The following NKTR variants were observed in gnomAD, a reference collection of about 807,000 sequenced individuals.
NKTR encodes the protein natural killer cell triggering receptor, also known as NK-tumor recognition protein.
In NKTR, 67 loss-of-function variants were observed where a neutral mutation model predicts 156.3. The ratio of observed to expected loss-of-function variants is 0.43; its 90% confidence interval spans 0.35 to 0.53. NKTR has a LOEUF of 0.53. Among genes scored for constraint, NKTR ranks in the 20% least tolerant of loss-of-function variants. The probability of loss-of-function intolerance (pLI) is 0.01; values close to 1 mark genes in which losing one functional copy is unlikely to be tolerated. For synonymous variants in NKTR, 640 were observed against 596.6 expected (o/e 1.07, Z -1.06); for missense variants, 1,604 against 1,730.9 (o/e 0.93, Z 1.30).
intron 3 of NKTR, among the ~76,000 whole-genome samples, chr3:42,617,922 C>T (rs1707534759): frequency 6.6e-6 from 1 of 152,002 alleles, no homozygotes; most frequent in Non-Finnish European, 1.5e-5. Flanking sequence ...AAAATAATAG[C>T]ACACATTCAA....
intron 6 of NKTR, chr3:42,628,465 T>C: frequency 1.0e-6 from 1 of 985,422 alleles, no homozygotes; most frequent in Non-Finnish European, 1.2e-6. Context: ...CACCATTTTC[T>C]CCAAAGGTTT....
chr3:42,633,547 T>C (rs1291622192), intron 9 of NKTR, 33 bp from the exon 10 acceptor site: 2 of 1,594,020 alleles, frequency 1.3e-6, no homozygotes, highest in African/African-American at 1.4e-5. Flanking sequence ...GCAAACATTA[T>C]ACATTTTAAT....
rs879453796 is a variant in NKTR at position 42,643,474 on chromosome 3, A to G, written c.4199+79A>G. 9 of 1,181,502 alleles carry G rather than the reference A, an allele frequency of 7.6e-6. No homozygotes were observed. In the Admixed American group the frequency reaches 1.6e-4, roughly 21 times the overall value. 73.2% of individuals were successfully genotyped at this position (1,181,502 alleles called of 1,614,324 possible). A position where few individuals can be genotyped will look rare whatever the true frequency, so the allele number is the denominator to read the frequency against. On this transcript the variant is annotated intron_variant, in intron 15 of 16. Transcript: ENST00000232978. ...TTGTAAACTGTTTGTTCAAAGTGGT[A>G]TTTTATTGAGTAACTAAATGCATAT...
At chr3:42,629,212 TTTTG>T (rs1708676859) in intron 6 of NKTR, 1 of 984,796 alleles carries the variant, frequency 1.0e-6, no homozygotes, top group Non-Finnish European at 1.2e-6. Context: ...ACTAGATAGT[TTTTG>T]TTCTGTTTTC....
At chr3:42,619,998 A>G in intron 5 of NKTR, 1 of 1,533,758 alleles carries the variant, frequency 6.5e-7, no homozygotes. Flanking sequence ...AACTGTCAAC[A>G]TATTCTTTTG....
intron 13 of NKTR, among the ~76,000 whole-genome samples, chr3:42,640,134 A>G (rs1709760355): frequency 6.6e-6 from 1 of 152,224 alleles, no homozygotes; most frequent in African/African-American, 2.4e-5. Flanking sequence ...TCCATTTTAC[A>G]CATGTGGAAG....
In NKTR at chr3:42,637,121, CGAA is replaced by C; in HGVS notation, c.1421_1423del (p.Arg474del). The C allele has an allele frequency of 6.2e-7, 1 of 1,607,444 alleles. No homozygotes were observed. The highest frequency in any genetic ancestry group is 8.5e-7 in the Non-Finnish European group (1 of 1,178,124). Reference sequence around the variant, plus strand: ...CATAGAATCCTCAAAATCTTCCACTCGAAGAATGAAATCCTCTTGTGATAGAGA... The same window carrying C: ...CATAGAATCCTCAAAATCTTCCACTCGAATGAAATCCTCTTGTGATAGAGA... On this transcript the variant is annotated inframe_deletion, in exon 13 of 17. Coordinates refer to ENST00000232978, the MANE Select transcript of NKTR (RefSeq NM_005385.4).
At chr3:42,617,096 AG>A (rs1472284019) in intron 2 of NKTR, among the ~76,000 whole-genome samples, 5 of 152,174 alleles carry the variant, frequency 3.3e-5, no homozygotes, top group Non-Finnish European at 7.4e-5. Context: ...CAATTCAGGA[AG>A]GTGGCTCTTA....
At chr3:42,623,093 C>T (rs1306028602) in intron 6 of NKTR, among the ~76,000 whole-genome samples, 1 of 151,862 alleles carries the variant, frequency 6.6e-6, no homozygotes, top group African/African-American at 2.4e-5. Flanking sequence ...ATTCTCCCTT[C>T]AAAAACATCT....
In NKTR at chr3:42,647,265, C is replaced by CGTG. The variant is rs1198991890; in HGVS notation, c.*1290_*1291insGTG. The CGTG allele has an allele frequency of 3.8e-5, 2 of 53,258 alleles. No individual in the cohort carries two copies. Among genetic ancestry groups the CGTG allele is most frequent in the Non-Finnish European group, 6.9e-5 (2 of 29,146 alleles). The allele number at this position is 53,258 out of a possible 1,614,324, so 3.3% of individuals were successfully genotyped here. Reference sequence around the variant, plus strand: ...CCAAAAATAATTGGACCTGTAAAAACTAGTGTGTGTGTGTGTGTGTGTGTG... The same window carrying CGTG: ...CCAAAAATAATTGGACCTGTAAAAACGTGTAGTGTGTGTGTGTGTGTGTGTGTG... On this transcript the variant is annotated 3_prime_UTR_variant, in exon 17 of 17. Transcript: ENST00000232978.
In NKTR at chr3:42,629,648, T is replaced by C. The variant is rs952432609; in HGVS notation, c.375-898T>C. On this transcript the variant is annotated intron_variant, in intron 6 of 16. Coordinates refer to ENST00000232978, the MANE Select transcript of NKTR (RefSeq NM_005385.4). ...CTAGCTCTTAAATATCTGTTTCTCA[T>C]TCTTATAAATCAAGATGCTTGTAGT... 9.2e-6 allele frequency: 9 copies of C among 978,720 alleles called. No homozygotes were observed. In the Admixed American group the frequency reaches 1.8e-4, roughly 20 times the overall value. 60.6% of individuals were successfully genotyped at this position (978,720 alleles called of 1,614,324 possible). A position where few individuals can be genotyped will look rare whatever the true frequency, so the allele number is the denominator to read the frequency against.
At chr3:42,630,189 T>G (rs1708761879) in intron 6 of NKTR, 7 of 718,084 alleles carry the variant, frequency 9.7e-6, no homozygotes, top group East Asian at 1.0e-4. Context: ...ATTTTGAGGG[T>G]TTTTTTTTTT....
chr3:42,621,538 A>G, intron 6 of NKTR, 22 bp downstream of exon 6: 3 of 1,601,902 alleles, frequency 1.9e-6, no homozygotes, highest in African/African-American at 2.7e-5. Context: ...TAATTCAGAG[A>G]TGAGCTTTTC....
In NKTR at chr3:42,647,051, A is replaced by G. The variant is rs1164787788; in HGVS notation, c.*1076A>G. On this transcript the variant is annotated 3_prime_UTR_variant, in exon 17 of 17. Transcript: ENST00000232978. Reference sequence around the variant, plus strand: ...GACATTTTGCAGGGCTTTCCTTTCAAGTCTTTCAAGTACAGGATATTACCA... The same window carrying G: ...GACATTTTGCAGGGCTTTCCTTTCAGGTCTTTCAAGTACAGGATATTACCA... 2.0e-5 allele frequency: 3 copies of G among 152,126 alleles called. No individual in the cohort carries two copies. Among genetic ancestry groups the G allele is most frequent in the African/African-American group, 7.2e-5 (3 of 41,394 alleles). The allele number at this position is 152,126 out of a possible 1,614,324, so 9.4% of individuals were successfully genotyped here.
chr3:42,622,240 C>A (rs1410970559), intron 6 of NKTR, among the ~76,000 whole-genome samples: 4 of 151,994 alleles, frequency 2.6e-5, no homozygotes, highest in African/African-American at 4.8e-5. Flanking sequence ...TAAATAAATC[C>A]TTTGGCATAC....
At chr3:42,635,953 T>G (rs1709366560) in intron 12 of NKTR, among the ~76,000 whole-genome samples, 1 of 152,184 alleles carries the variant, frequency 6.6e-6, no homozygotes, top group African/African-American at 2.4e-5. Context: ...TATAGCAGAT[T>G]CTTTCCTAGC....
At position 42,633,671 on chromosome 3, in the gene NKTR, C is replaced by T; in HGVS notation, c.865C>T (p.Pro289Ser). ...KPVVRPEEIP[P>S]VPENRFLLRR... is the part of the protein sequence containing the mutation. ...TGTGGTCCGCCCAGAAGAGATTCCTCCAGTGCCTGAGAACCGATTTTTACT... is the reference window on the plus strand; with the variant it reads ...TGTGGTCCGCCCAGAAGAGATTCCTTCAGTGCCTGAGAACCGATTTTTACT... Residue 289 changes from proline to serine, a missense_variant, in exon 10 of 17, where the codon CCA becomes TCA. Physicochemically the swap from Pro to Ser is moderately conservative, Grantham distance 74 (BLOSUM62 -1). Transcript: ENST00000232978. 6.2e-7 allele frequency: 1 copy of T among 1,614,132 alleles called. No homozygotes were observed. Among genetic ancestry groups the T allele is most frequent in the Non-Finnish European group, 8.5e-7 (1 of 1,179,994 alleles).
rs1707769187 is a variant in NKTR at position 42,620,113 on chromosome 3, G to A, written c.286+405G>A. The A allele has an allele frequency of 3.3e-6, 5 of 1,517,644 alleles. No individual in the cohort carries two copies. The East Asian group carries it at 1.2e-4, about 38-fold the overall frequency. 94.0% of individuals were successfully genotyped at this position (1,517,644 alleles called of 1,614,324 possible). ...TTGCACCCTTCCTAATAAATTTATG[G>A]ACAGTCTGGGTCAGGTTGTGGCTGG... On this transcript the variant is annotated intron_variant, in intron 5 of 16. Transcript: ENST00000232978.
intron 10 of NKTR, among the ~76,000 whole-genome samples, chr3:42,634,009 A>G (rs1020525126): frequency 6.6e-6 from 1 of 152,132 alleles, no homozygotes; most frequent in African/African-American, 2.4e-5. Context: ...ATCTGGAAAG[A>G]TTTTATTCCT....
Sources: gnomAD v4.1 joint callset for allele counts (sites outside exome capture counted in the v4.1 genomes callset) on GRCh38, gnomAD v4.1.1 for gene constraint, MANE v1.5 for transcripts, NCBI Gene and HGNC (gene_info 2026-07-23, HGNC 2026-07-21) for gene names.